Variants in PDLIM5 observed in about 807,000 individuals in gnomAD.
The protein encoded by PDLIM5 is PDZ and LIM domain 5.
In PDLIM5, 34 loss-of-function variants were observed where a neutral mutation model predicts 64.2. The observed-to-expected ratio is 0.53, with a 90% CI of 0.40 to 0.71. The LOEUF (loss-of-function observed/expected upper bound fraction) is 0.71, where lower values mean the gene tolerates loss of function less well. PDLIM5 is among the 30% of genes least tolerant of loss of function. The pLI, the probability that PDLIM5 is intolerant of heterozygous loss-of-function variation, is 0.00. For synonymous variants in PDLIM5, 253 were observed against 269.1 expected (o/e 0.94, Z 0.59); for missense variants, 683 against 733.6 (o/e 0.93, Z 0.80).
intron 2 of PDLIM5, among the ~76,000 whole-genome samples, chr4:94,493,676 G>A (rs1727075068): frequency 6.6e-6 from 1 of 151,982 alleles, no homozygotes; most frequent in Non-Finnish European, 1.5e-5. Flanking sequence ...TTTCCTTAGG[G>A]TAAACCAAGA....
intron 2 of PDLIM5, among the ~76,000 whole-genome samples, chr4:94,519,538 A>G (rs1463867059): frequency 6.6e-6 from 1 of 152,184 alleles, no homozygotes; most frequent in Admixed American, 6.5e-5. Context: ...TTGTAGTCTT[A>G]TTGTTGTATG....
At chr4:94,508,516 G>A (rs1011839859) in intron 2 of PDLIM5, among the ~76,000 whole-genome samples, 1 of 152,132 alleles carries the variant, frequency 6.6e-6, no homozygotes, top group Admixed American at 6.5e-5. Context: ...GTTGCCATAC[G>A]TCCTGGGGCT....
At chr4:94,620,161 G>T (rs1228249203) in intron 8 of PDLIM5, among the ~76,000 whole-genome samples, 1 of 152,146 alleles carries the variant, frequency 6.6e-6, no homozygotes, top group Non-Finnish European at 1.5e-5. Context: ...TTACCACTCT[G>T]TACAGAATGT....
chr4:94,494,429 CTTGTTTT>C lies in PDLIM5; in HGVS notation c.97-29292_97-29286del, dbSNP rs1194297380. On this transcript the variant is annotated intron_variant, in intron 2 of 12. Coordinates refer to ENST00000317968, the MANE Select transcript of PDLIM5 (RefSeq NM_006457.5). Reference sequence around the variant, plus strand: ...CTGAGCATTCACTAATTTTTTTTTTCTTGTTTTTTTTTTTTTTTTTTTTTTTTGAGAC... The same window carrying C: ...CTGAGCATTCACTAATTTTTTTTTTCTTTTTTTTTTTTTTTTTTTTGAGAC... 5.4e-4 allele frequency among the ~76,000 whole-genome samples: 28 copies of C among 51,576 alleles called. 1 individual carries two copies. Among genetic ancestry groups the C allele is most frequent in the Admixed American group, 1.9e-3 (6 of 3,080 alleles). The allele number at this position is 51,576 out of a possible 152,430, so 33.8% of individuals were successfully genotyped here. A position where few individuals can be genotyped will look rare whatever the true frequency, so the allele number is the denominator to read the frequency against.
chr4:94,534,513 T>C (rs1231855218), intron 3 of PDLIM5, among the ~76,000 whole-genome samples: 1 of 152,166 alleles, frequency 6.6e-6, no homozygotes, highest in Non-Finnish European at 1.5e-5. Context: ...TATAATCTCT[T>C]TATTGAGATC....
intron 2 of PDLIM5, among the ~76,000 whole-genome samples, chr4:94,488,652 A>G (rs1407404793): frequency 3.3e-5 from 5 of 152,196 alleles, no homozygotes; most frequent in Non-Finnish European, 5.9e-5. Context: ...ACACATATCC[A>G]TAAAAACCTG....
chr4:94,479,330 C>CTTTTTT (rs34176254), intron 2 of PDLIM5, among the ~76,000 whole-genome samples: 2 of 130,980 alleles, frequency 1.5e-5, no homozygotes, highest in African/African-American at 2.9e-5. Flanking sequence ...AGCTTTGAGA[C>CTTTTTT]TTTTTTTTTT....
At chr4:94,659,209 G>A (rs970944457) in intron 11 of PDLIM5, among the ~76,000 whole-genome samples, 5 of 151,696 alleles carry the variant, frequency 3.3e-5, no homozygotes, top group Non-Finnish European at 5.9e-5. Flanking sequence ...TAACCCCATC[G>A]TCCACTATCC....
At chr4:94,514,922 A>C (rs1229316921) in intron 2 of PDLIM5, among the ~76,000 whole-genome samples, 1 of 152,220 alleles carries the variant, frequency 6.6e-6, no homozygotes, top group Non-Finnish European at 1.5e-5. Flanking sequence ...TTAAATGTGC[A>C]TACTTTTTAA....
chr4:94,621,039 C>G (rs913296789), intron 8 of PDLIM5, among the ~76,000 whole-genome samples: 1 of 136,526 alleles, frequency 7.3e-6, no homozygotes, highest in Non-Finnish European at 1.5e-5. Context: ...CCACTACACT[C>G]CAGCCTGGGT....
chr4:94,536,365 A>G (rs990806362), intron 3 of PDLIM5, among the ~76,000 whole-genome samples: 43 of 152,218 alleles, frequency 2.8e-4, no homozygotes, highest in Admixed American at 1.2e-3. Context: ...AGTTAACTTC[A>G]CCTTTATTGT....
intron 2 of PDLIM5, among the ~76,000 whole-genome samples, chr4:94,492,978 A>G (rs1391888454): frequency 6.6e-6 from 1 of 152,174 alleles, no homozygotes; most frequent in Non-Finnish European, 1.5e-5. Context: ...GCACCATTTT[A>G]ACTTCCCACC....
chr4:94,653,616 G>C lies in PDLIM5; in HGVS notation c.1284-844G>C, dbSNP rs116771440. On this transcript the variant is annotated intron_variant, in intron 9 of 12. Transcript: ENST00000317968. ...GTTAAAAATCGGTCATGTTGGGGAG[G>C]GGGGAGAGGGAAGTTGGTGCACAGT... 5.8e-3 allele frequency among the ~76,000 whole-genome samples: 875 copies of C among 152,062 alleles called. 12 individuals carry two copies. Among genetic ancestry groups the C allele is most frequent in the African/African-American group, 0.019 (774 of 41,498 alleles).
intron 2 of PDLIM5, among the ~76,000 whole-genome samples, chr4:94,474,073 G>A (rs975244722): frequency 1.3e-5 from 2 of 152,196 alleles, no homozygotes; most frequent in African/African-American, 4.8e-5. Flanking sequence ...AATCACCAAA[G>A]TAACATGCAG....
chr4:94,640,054 C>T (rs1454544209), intron 8 of PDLIM5, among the ~76,000 whole-genome samples: 1 of 151,844 alleles, frequency 6.6e-6, no homozygotes, highest in African/African-American at 2.4e-5. Flanking sequence ...TCTATGCATA[C>T]GTCTGTCATA....
chr4:94,529,223 G>T (rs1043678298), intron 3 of PDLIM5, among the ~76,000 whole-genome samples: 1 of 152,124 alleles, frequency 6.6e-6, no homozygotes, highest in Non-Finnish European at 1.5e-5. Context: ...GGAAAGGAAG[G>T]CCAGAGGAAG....
intron 7 of PDLIM5, among the ~76,000 whole-genome samples, chr4:94,592,525 A>G (rs1415808312): frequency 2.0e-5 from 3 of 152,220 alleles, no homozygotes; most frequent in African/African-American, 7.2e-5. Context: ...TAATGCACTG[A>G]AGAATCCCAC....
chr4:94,584,759 G>A (rs1736022134), intron 5 of PDLIM5: 2 of 474,294 alleles, frequency 4.2e-6, no homozygotes, highest in South Asian at 3.6e-5. Flanking sequence ...TTTCGTGAAA[G>A]CCAATACATT....
At chr4:94,489,956 A>G (rs1476570112) in intron 2 of PDLIM5, among the ~76,000 whole-genome samples, 1 of 151,914 alleles carries the variant, frequency 6.6e-6, no homozygotes, top group Non-Finnish European at 1.5e-5. Context: ...TGTCCAGGTC[A>G]GTACGTATAG....
Sources: gnomAD v4.1 joint callset for allele counts (sites outside exome capture counted in the v4.1 genomes callset) on GRCh38, gnomAD v4.1.1 for gene constraint, MANE v1.5 for transcripts, NCBI Gene and HGNC (gene_info 2026-07-23, HGNC 2026-07-21) for gene names.